MLANA: variants seen among roughly 807,000 people sequenced by gnomAD.
The protein encoded by MLANA is melan-A.
A neutral mutation model predicts 15.7 loss-of-function variants in MLANA; 21 were observed. The observed-to-expected ratio is 1.33, with a 90% CI of 0.95 to 1.92. The LOEUF is 1.92. MLANA is among the 40% of genes most tolerant of loss of function. MLANA has a pLI of 0.00. For missense variants in MLANA, 164 were observed against 143.8 expected (o/e 1.14, Z -0.72); for synonymous variants, 56 against 51.5 (o/e 1.09, Z -0.37).
Position 5,906,931 on chromosome 9 carries a change from G to A in MLANA, c.221G>A (p.Cys74Tyr), listed in dbSNP as rs896736095. Reference sequence around the variant, plus strand: ...ACTCAATGTGCCTTAACAAGAAGATGCCCACAAGAAGGGTTTGATCATCGG... The same window carrying A: ...ACTCAATGTGCCTTAACAAGAAGATACCCACAAGAAGGGTTTGATCATCGG... ...VGTQCALTRRCPQEGFDHRDS... is the reference protein window; with the variant it reads ...VGTQCALTRRYPQEGFDHRDS... Residue 74 changes from cysteine (C) to tyrosine (Y), a missense_variant, in exon 4 of 5, where the codon TGC becomes TAC. Cys to Tyr is a radical substitution (Grantham distance 194). Coordinates refer to ENST00000381477, the MANE Select transcript of MLANA (RefSeq NM_005511.2). 1.3e-6 allele frequency: 2 copies of A among 1,596,300 alleles called. No homozygotes were observed. Among genetic ancestry groups the A allele is most frequent in the South Asian group, 1.1e-5 (1 of 88,428 alleles).
chr9:5,898,098 C>T (rs1259639866), intron 3 of MLANA: 3 of 167,248 alleles, frequency 1.8e-5, no homozygotes, highest in East Asian at 1.5e-4. Context: ...TGGGATGGAG[C>T]GCAGTGGTGA....
rs534038314 is a variant in MLANA at position 5,894,658 on chromosome 9, G to A, written c.77+2107G>A. Among the ~76,000 whole-genome samples the A allele has an allele frequency of 3.9e-5, 6 of 152,278 alleles. No homozygotes were observed. The highest frequency in any genetic ancestry group is 1.4e-4 in the African/African-American group (6 of 41,552). ...GCTGGCTCTGACAATGCCGGAAAACGAGCTGGTGCTTGGCATATACAGACA... is the reference window on the plus strand; with the variant it reads ...GCTGGCTCTGACAATGCCGGAAAACAAGCTGGTGCTTGGCATATACAGACA... On this transcript the variant is annotated intron_variant, in intron 2 of 4. Transcript: ENST00000381477. This position sits in a 1 kb window ranked among gnomAD's most constrained non-coding sequence, Gnocchi z 4.0.
chr9:5,893,626 C>A (rs1215794351), intron 2 of MLANA, among the ~76,000 whole-genome samples: 3 of 152,232 alleles, frequency 2.0e-5, no homozygotes, highest in African/African-American at 7.2e-5. Flanking sequence ...GCCCATTGCC[C>A]GTGCTATTAG....
intron 3 of MLANA, chr9:5,899,280 TG>T (rs1173992202): frequency 1.3e-5 from 2 of 152,042 alleles, no homozygotes; most frequent in African/African-American, 2.4e-5. Context: ...AGGGTTGGTG[TG>T]GGGTGGGGAT....
Position 5,910,312 on chromosome 9 carries a change from C to G in MLANA, c.*1604C>G, listed in dbSNP as rs1259165250. The G allele has an allele frequency of 1.3e-5, 2 of 152,026 alleles. No individual in the cohort carries two copies. The highest frequency in any genetic ancestry group is 2.9e-5 in the Non-Finnish European group (2 of 67,988). The allele number at this position is 152,026 out of a possible 1,614,324, so 9.4% of individuals were successfully genotyped here. On this transcript the variant is annotated 3_prime_UTR_variant, in exon 5 of 5. Transcript: ENST00000381477. ...TTTTCTACTAAAGACAAAATTTCAC[C>G]AAAGGGGAAAAAGAAAACACAGGAT...
In MLANA at chr9:5,904,619, C is replaced by T. The variant is rs565811637; in HGVS notation, c.175-2266C>T. Among the ~76,000 whole-genome samples, 3 of 152,204 alleles carry T rather than the reference C, an allele frequency of 2.0e-5. No individual in the cohort carries two copies. The East Asian group carries it at 5.8e-4, about 29-fold the overall frequency. On this transcript the variant is annotated intron_variant, in intron 3 of 4. Transcript: ENST00000381477. ...TCCTGAGTAGCTGAGATTAAAGGTG[C>T]ATACTACTATGCTCATCTAATTTTT...
In MLANA at chr9:5,894,612, G is replaced by A. The variant is rs79222800; in HGVS notation, c.77+2061G>A. On this transcript the variant is annotated intron_variant, in intron 2 of 4. Coordinates refer to ENST00000381477, the MANE Select transcript of MLANA (RefSeq NM_005511.2). The surrounding 1 kb of genome is among the most constrained non-coding windows in gnomAD (Gnocchi z 4.0). ...GGCCTCTGAGGTCAGCCAGTGCTCT[G>A]CTGGGGAGGGGCATAATGAAGCTGG... Among the ~76,000 whole-genome samples, 4 of 152,180 alleles carry A rather than the reference G, an allele frequency of 2.6e-5. No homozygotes were observed. The highest frequency in any genetic ancestry group is 4.8e-5 in the African/African-American group (2 of 41,446).
chr9:5,897,433 G>C, intron 2 of MLANA, 124 bp from the exon 3 acceptor site: 2 of 841,158 alleles, frequency 2.4e-6, no homozygotes, highest in Non-Finnish European at 3.9e-6. Flanking sequence ...GAAACTACTT[G>C]GACACTGGGA....
intron 2 of MLANA, among the ~76,000 whole-genome samples, chr9:5,893,131 T>C: frequency 6.6e-6 from 1 of 152,220 alleles, no homozygotes; most frequent in East Asian, 1.9e-4. Flanking sequence ...TATACTGGCG[T>C]GAGACACTGT....
rs1832992279 is a variant in MLANA, at chr9:5,908,945, T to C, written c.*237T>C. 4 of 478,618 alleles carry C rather than the reference T, an allele frequency of 8.4e-6. No homozygotes were observed. Among genetic ancestry groups the C allele is most frequent in the Non-Finnish European group, 1.5e-5 (4 of 271,348 alleles). 29.6% of individuals were successfully genotyped at this position (478,618 alleles called of 1,614,324 possible). A position where few individuals can be genotyped will look rare whatever the true frequency, so the allele number is the denominator to read the frequency against. On this transcript the variant is annotated 3_prime_UTR_variant, in exon 5 of 5. Transcript: ENST00000381477. ...CAATAAATGTTGCAATGCATGATAC[T>C]ATCTGTGCCAGAGGTAATGTTAGTA...
intron 1 of MLANA, 193 bp downstream of exon 1, chr9:5,891,129 C>T (rs1831633447): frequency 6.6e-6 from 1 of 152,180 alleles, no homozygotes; most frequent in Admixed American, 6.5e-5. Context: ...TCTCTCAGTC[C>T]TCCAACACTA....
chr9:5,903,803 T>A (rs1429742009), intron 3 of MLANA, among the ~76,000 whole-genome samples: 1 of 152,192 alleles, frequency 6.6e-6, no homozygotes, highest in Non-Finnish European at 1.5e-5. Flanking sequence ...GAAACTAATA[T>A]AGGAACTCCT....
At position 5,910,128 on chromosome 9, in the gene MLANA, A is replaced by C. The variant is rs561441159; in HGVS notation, c.*1420A>C. ...AACAGAGATTAACAAGGATCAGAGA[A>C]AAGTTAAAGGCTGTCTTTGACATAA... On this transcript the variant is annotated 3_prime_UTR_variant, in exon 5 of 5. Transcript: ENST00000381477. 12 of 152,374 alleles carry C rather than the reference A, an allele frequency of 7.9e-5. No individual in the cohort carries two copies. Among genetic ancestry groups the C allele is most frequent in the African/African-American group, 2.9e-4 (12 of 41,594 alleles). The allele number at this position is 152,374 out of a possible 1,614,324, so 9.4% of individuals were successfully genotyped here. A position where few individuals can be genotyped will look rare whatever the true frequency, so the allele number is the denominator to read the frequency against.
chr9:5,895,359 G>C (rs1308785278), intron 2 of MLANA, among the ~76,000 whole-genome samples: 5 of 151,972 alleles, frequency 3.3e-5, no homozygotes, highest in Admixed American at 6.5e-5. Flanking sequence ...AGGTGGGATG[G>C]AGGTAGGGGA....
intron 2 of MLANA, among the ~76,000 whole-genome samples, chr9:5,895,731 A>G (rs1831972483): frequency 6.6e-6 from 1 of 152,212 alleles, no homozygotes; most frequent in Non-Finnish European, 1.5e-5. Context: ...TCTGCACCTT[A>G]ACGTGCATCT....
chr9:5,897,501 C>G lies in MLANA; in HGVS notation c.78-56C>G, dbSNP rs1291370339. 3.1e-5 allele frequency: 46 copies of G among 1,474,278 alleles called. No individual in the cohort carries two copies. The East Asian group carries it at 8.4e-4, about 27-fold the overall frequency. 91.3% of individuals were successfully genotyped at this position (1,474,278 alleles called of 1,614,324 possible). A position where few individuals can be genotyped will look rare whatever the true frequency, so the allele number is the denominator to read the frequency against. ...AGAGGAAGACTGATTTATGCTTCAT[C>G]ATAATGTAGAACAATGTTTCAATGA... On this transcript the variant is annotated intron_variant, in intron 2 of 4. Transcript: ENST00000381477.
rs767018378 is a variant in MLANA, at chr9:5,892,537, C to T, written c.63C>T (p.Tyr21=). 2.5e-6 allele frequency: 4 copies of T among 1,613,272 alleles called. No individual in the cohort carries two copies. In the South Asian group the frequency reaches 4.4e-5, roughly 18 times the overall value. ...CCAAGAAGGGGCACGGCCACTCTTA[C>T]ACCACGGCTGAAGAGTAAGTTCAAA... ...GYPKKGHGHS[Y]TTAEEAAGIG... is the part of the protein sequence containing the mutation. Residue 21 remains tyrosine (Y), a synonymous_variant, in exon 2 of 5, where the codon TAC becomes TAT. Transcript: ENST00000381477.
At chr9:5,895,181 T>G (rs1253614070) in intron 2 of MLANA, among the ~76,000 whole-genome samples, 2 of 152,188 alleles carry the variant, frequency 1.3e-5, no homozygotes, top group African/African-American at 2.4e-5. Context: ...AATGAAACAC[T>G]TAACTTCAGT....
At chr9:5,898,810 C>T (rs2129932224) in intron 3 of MLANA, 1 of 152,290 alleles carries the variant, frequency 6.6e-6, no homozygotes. Flanking sequence ...CACTAAGCAT[C>T]CCAGGATATC....
Sources: gnomAD v4.1 joint callset for allele counts (sites outside exome capture counted in the v4.1 genomes callset) on GRCh38, gnomAD v4.1.1 for gene constraint, Gnocchi (gnomAD v3.1) non-coding constraint, MANE v1.5 for transcripts, NCBI Gene and HGNC (gene_info 2026-07-23, HGNC 2026-07-21) for gene names.